The following TRAPPC9 variants were observed in gnomAD, a reference collection of about 807,000 sequenced individuals.
TRAPPC9 encodes the protein trafficking protein particle complex subunit 9, also known as IKK2 binding protein.
Under a neutral mutation model 124.0 loss-of-function variants are expected in TRAPPC9, and 83 were observed. The observed-to-expected ratio is 0.67, with a 90% CI of 0.56 to 0.80. The LOEUF (loss-of-function observed/expected upper bound fraction) is 0.80, where lower values mean the gene tolerates loss of function less well. TRAPPC9 is among the 30% of genes least tolerant of loss of function. TRAPPC9 has a pLI of 0.00. For missense variants in TRAPPC9, 1,302 were observed against 1,508.3 expected, an observed-to-expected ratio of 0.86 and a Z score of 2.27; for synonymous variants, 638 against 617.5, an observed-to-expected ratio of 1.03 and a Z score of -0.49.
chr8:140,165,019 C>A (rs2061810490), intron 17 of TRAPPC9, among the ~76,000 whole-genome samples: 1 of 152,196 alleles, frequency 6.6e-6, no homozygotes. Context: ...ACTTACTATG[C>A]ACTAGGAAAT....
intron 18 of TRAPPC9, among the ~76,000 whole-genome samples, chr8:139,989,988 C>G (rs1412772620): frequency 6.6e-6 from 1 of 152,066 alleles, no homozygotes; most frequent in African/African-American, 2.4e-5. Flanking sequence ...TGAGCAGAGG[C>G]CATTCTTCTT....
At chr8:139,817,259 G>T (rs1176723588) in intron 21 of TRAPPC9, among the ~76,000 whole-genome samples, 1 of 152,158 alleles carries the variant, frequency 6.6e-6, no homozygotes, top group African/African-American at 2.4e-5. Flanking sequence ...ACATGGCTGG[G>T]GATAGCAGGT....
At chr8:139,774,689 G>A (rs1015250417) in intron 21 of TRAPPC9, among the ~76,000 whole-genome samples, 1 of 152,194 alleles carries the variant, frequency 6.6e-6, no homozygotes, top group Non-Finnish European at 1.5e-5. Flanking sequence ...AGGAACGAGG[G>A]CTTCTCCTGG....
chr8:140,367,018 C>T (rs576864781), intron 8 of TRAPPC9, among the ~76,000 whole-genome samples: 106 of 152,190 alleles, frequency 7.0e-4, no homozygotes, highest in African/African-American at 2.5e-3. Flanking sequence ...AGTAAAGCAA[C>T]GAGATACCAC....
At chr8:139,815,554 C>G (rs28366721) in intron 21 of TRAPPC9, among the ~76,000 whole-genome samples, 75,646 of 151,880 alleles carry the variant, frequency 0.5, 19,689 homozygotes, top group East Asian at 0.73. Flanking sequence ...CACCTGGCTG[C>G]CTAATTTTTG....
At chr8:139,925,827 G>GCACACACACACGCACACGCGCACA (rs1832784744) in intron 19 of TRAPPC9, among the ~76,000 whole-genome samples, 2 of 68,660 alleles carry the variant, frequency 2.9e-5, no homozygotes, top group African/African-American at 8.2e-5. Flanking sequence ...ACACGCACAC[G>GCACACACACACGCACACGCGCACA]CACACACACA....
chr8:139,904,394 GAGGTCC>G (rs1195837285), intron 20 of TRAPPC9: 1 of 152,296 alleles, frequency 6.6e-6, no homozygotes, highest in Non-Finnish European at 1.5e-5. Context: ...AGCAGACAGT[GAGGTCC>G]ACTCTGAAGG....
intron 5 of TRAPPC9, among the ~76,000 whole-genome samples, chr8:140,409,190 A>G (rs1218295254): frequency 1.3e-5 from 2 of 152,322 alleles, no homozygotes; most frequent in African/African-American, 4.8e-5. Context: ...ATAATTCATA[A>G]AAGAAAAACA....
At chr8:140,314,173 C>A (rs1203332513) in intron 9 of TRAPPC9, among the ~76,000 whole-genome samples, 2 of 152,198 alleles carry the variant, frequency 1.3e-5, no homozygotes, top group Non-Finnish European at 2.9e-5. Context: ...ACGGTTGAGT[C>A]TTTCCCTTTA....
At chr8:139,833,924 C>T (rs571634177) in intron 21 of TRAPPC9, among the ~76,000 whole-genome samples, 7 of 152,082 alleles carry the variant, frequency 4.6e-5, no homozygotes, top group Non-Finnish European at 1.0e-4. Context: ...ACATGAGAGC[C>T]CCTGGTGAGG....
intron 14 of TRAPPC9, among the ~76,000 whole-genome samples, chr8:140,276,385 C>CCAGGCCCTGGGGT (rs1408494513): frequency 2.0e-5 from 3 of 152,146 alleles, no homozygotes; most frequent in African/African-American, 7.2e-5. Context: ...GGCAGCTGGG[C>CCAGGCCCTGGGGT]CAGGCCCTGG....
At chr8:139,863,320 A>G (rs1019182989) in intron 21 of TRAPPC9, among the ~76,000 whole-genome samples, 4 of 152,214 alleles carry the variant, frequency 2.6e-5, no homozygotes, top group African/African-American at 9.6e-5. Flanking sequence ...GGAAAGGGCC[A>G]AAGGACAGAG....
rs1223694921 is a variant in TRAPPC9 at position 140,265,727 on chromosome 8, G to C, written c.2278+9931C>G. Among the ~76,000 whole-genome samples the C allele has an allele frequency of 1.5e-4, 23 of 152,192 alleles. 1 individual carries two copies. Among genetic ancestry groups the C allele is most frequent in the Admixed American group, 1.5e-3 (23 of 15,282 alleles). ...TATTTAAATGCTAGCATTTAGGTAA[G>C]GGCTATCAGGTGAAATTGGTTACTT... On this transcript the variant is annotated intron_variant, in intron 15 of 22. Transcript: ENST00000438773.
chr8:140,226,586 G>A (rs1366424504), intron 16 of TRAPPC9, among the ~76,000 whole-genome samples: 6 of 111,054 alleles, frequency 5.4e-5, no homozygotes, highest in Non-Finnish European at 1.0e-4. Context: ...GGAGAGACTC[G>A]GTCTCAAAAA....
chr8:140,220,367 C>T (rs1205603942), intron 17 of TRAPPC9, among the ~76,000 whole-genome samples: 41 of 152,274 alleles, frequency 2.7e-4, no homozygotes, highest in Non-Finnish European at 1.5e-5. Context: ...GCTGCCTCTG[C>T]TGGGAAGCTT....
At chr8:139,804,034 C>G (rs886387776) in intron 21 of TRAPPC9, among the ~76,000 whole-genome samples, 5 of 151,744 alleles carry the variant, frequency 3.3e-5, no homozygotes, top group Non-Finnish European at 5.9e-5. Flanking sequence ...CACTATCCAT[C>G]GCCGCCACCA....
chr8:140,025,565 CAAAA>C (rs11329773), intron 17 of TRAPPC9, among the ~76,000 whole-genome samples: 1 of 123,844 alleles, frequency 8.1e-6, no homozygotes. Context: ...AAGCAAAATG[CAAAA>C]AAAAAAAAAA....
chr8:140,446,274 AAAGAGT>A (rs1220107378), intron 2 of TRAPPC9, among the ~76,000 whole-genome samples: 42 of 145,088 alleles, frequency 2.9e-4, no homozygotes, highest in Middle Eastern at 6.9e-3. Context: ...AGCCTGGGCG[AAAGAGT>A]AAGACTCTGT....
At chr8:139,854,382 G>T (rs1245765401) in intron 21 of TRAPPC9, among the ~76,000 whole-genome samples, 1 of 152,192 alleles carries the variant, frequency 6.6e-6, no homozygotes, top group African/African-American at 2.4e-5. Context: ...GCCCACGCTG[G>T]GGCAGGCCTC....
Sources: allele counts gnomAD v4.1 joint callset (sites outside exome capture counted in the v4.1 genomes callset), GRCh38; gene constraint gnomAD v4.1.1; transcripts MANE v1.5; gene names NCBI Gene and HGNC (gene_info 2026-07-23, HGNC 2026-07-21).